The following RAI14 variants were observed in gnomAD, a reference collection of about 807,000 sequenced individuals.
The protein encoded by RAI14 is retinoic acid induced 14.
A neutral mutation model predicts 115.4 loss-of-function variants in RAI14; 45 were observed. The observed-to-expected ratio is 0.39, with a 90% CI of 0.31 to 0.50. RAI14 has a LOEUF of 0.50. Ranked by LOEUF, RAI14 falls within the 20% of genes least tolerant of loss-of-function variation. RAI14 has a pLI of 0.85. For synonymous variants in RAI14, 371 were observed against 415.4 expected, an observed-to-expected ratio of 0.89 and a Z score of 1.30; for missense variants, 939 against 1,131.2, an observed-to-expected ratio of 0.83 and a Z score of 2.44.
At chr5:34,658,295 A>T (rs879120033) in intron 1 of RAI14, among the ~76,000 whole-genome samples, 1 of 152,194 alleles carries the variant, frequency 6.6e-6, no homozygotes, top group Admixed American at 6.5e-5. Context: ...CCTGACAGTG[A>T]AATTCTCTCT....
At chr5:34,811,409 G>T (rs1235119393) in intron 8 of RAI14, among the ~76,000 whole-genome samples, 1 of 151,980 alleles carries the variant, frequency 6.6e-6, no homozygotes, top group Non-Finnish European at 1.5e-5. Flanking sequence ...CAAACCTATT[G>T]GTTGTTTTGG....
At chr5:34,661,373 A>G (rs1299366626) in intron 1 of RAI14, among the ~76,000 whole-genome samples, 2 of 152,086 alleles carry the variant, frequency 1.3e-5, no homozygotes, top group Non-Finnish European at 2.9e-5. Context: ...TGGTGTCTAG[A>G]ACAATGTTGA....
chr5:34,702,677 A>G (rs1740223164), intron 2 of RAI14, among the ~76,000 whole-genome samples: 1 of 152,138 alleles, frequency 6.6e-6, no homozygotes, highest in African/African-American at 2.4e-5. Context: ...ATAATTTTGG[A>G]CACACTTAAG....
chr5:34,706,096 T>C (rs188956454), intron 2 of RAI14, among the ~76,000 whole-genome samples: 1 of 152,358 alleles, frequency 6.6e-6, no homozygotes, highest in East Asian at 1.9e-4. Flanking sequence ...TTTCTGTGTT[T>C]TTTTTCTGTG....
intron 3 of RAI14, among the ~76,000 whole-genome samples, chr5:34,774,541 A>C (rs73078627): frequency 0.06 from 9,201 of 152,212 alleles, 352 homozygotes; most frequent in Middle Eastern, 0.16. Flanking sequence ...AAATACCTAG[A>C]AATAAAGTTA....
chr5:34,676,274 C>T (rs1180355776), intron 1 of RAI14, among the ~76,000 whole-genome samples: 1 of 152,176 alleles, frequency 6.6e-6, no homozygotes, highest in Non-Finnish European at 1.5e-5. Context: ...AGTTGCTGGG[C>T]ACTCTGTGAG....
At chr5:34,830,099 C>A (rs1757873786) in intron 17 of RAI14, among the ~76,000 whole-genome samples, 1 of 152,112 alleles carries the variant, frequency 6.6e-6, no homozygotes, top group Non-Finnish European at 1.5e-5. Context: ...ATCCTCCCAC[C>A]TTAGCCTCCC....
chr5:34,769,123 G>T (rs1749814634), intron 3 of RAI14, among the ~76,000 whole-genome samples: 1 of 152,102 alleles, frequency 6.6e-6, no homozygotes, highest in Admixed American at 6.6e-5. Flanking sequence ...GCACTTAAAG[G>T]ATAGTAATCC....
intron 3 of RAI14, among the ~76,000 whole-genome samples, chr5:34,763,574 A>G (rs61083416): frequency 0.078 from 11,812 of 152,260 alleles, 600 homozygotes; most frequent in Middle Eastern, 0.18. Flanking sequence ...AAAAGGAGAA[A>G]ATATGCTCCT....
At chr5:34,752,747 G>GTATATATA (rs1401812633) in intron 2 of RAI14, among the ~76,000 whole-genome samples, 15 of 109,562 alleles carry the variant, frequency 1.4e-4, no homozygotes, top group African/African-American at 5.7e-4. Flanking sequence ...GTGTGTGTGT[G>GTATATATA]TGTATATATA....
chr5:34,768,807 G>A (rs1317822584), intron 3 of RAI14, among the ~76,000 whole-genome samples: 1 of 152,088 alleles, frequency 6.6e-6, no homozygotes, highest in Non-Finnish European at 1.5e-5. Context: ...TGGCCAACAT[G>A]GTGAAATGCC....
At position 34,716,434 on chromosome 5, in the gene RAI14, CAG is replaced by C. The variant is rs1742006294; in HGVS notation, c.36+29482_36+29483del. Among the ~76,000 whole-genome samples the C allele has an allele frequency of 4.6e-5, 7 of 151,314 alleles. No homozygotes were observed. In the South Asian group the frequency reaches 1.3e-3, roughly 27 times the overall value. ...TAATTTTTTTTTTTTTTAATTGAGA[CAG>C]AGTCTCGCTTTTGTTGCCCAGGCTG... On this transcript the variant is annotated intron_variant, in intron 2 of 17. Transcript: ENST00000265109.
chr5:34,828,442 A>G (rs1354477175), intron 16 of RAI14, among the ~76,000 whole-genome samples: 4 of 152,150 alleles, frequency 2.6e-5, no homozygotes, highest in African/African-American at 9.7e-5. Context: ...AGATAAAATC[A>G]TAAATAATTG....
intron 4 of RAI14, among the ~76,000 whole-genome samples, chr5:34,799,832 C>G (rs1301858962): frequency 1.3e-5 from 2 of 151,886 alleles, no homozygotes; most frequent in Admixed American, 6.6e-5. Flanking sequence ...GGACTACAGG[C>G]GCCCGCCACC....
In RAI14 at chr5:34,808,666, G is replaced by C. The variant is rs763808445; in HGVS notation, c.450+12G>C. 1.9e-6 allele frequency: 3 copies of C among 1,612,246 alleles called. No individual in the cohort carries two copies. Among genetic ancestry groups the C allele is most frequent in the Admixed American group, 1.7e-5 (1 of 60,010 alleles). ...ACCTCAAAGATTTGGTAAGTACCAG[G>C]TGGTCACTAGAGGCAGAGGTAGACA... On this transcript the variant is annotated intron_variant, in intron 7 of 17. Coordinates refer to ENST00000265109, the MANE Select transcript of RAI14 (RefSeq NM_015577.3).
At chr5:34,795,288 C>T (rs1194675112) in intron 3 of RAI14, among the ~76,000 whole-genome samples, 1 of 152,166 alleles carries the variant, frequency 6.6e-6, no homozygotes, top group Non-Finnish European at 1.5e-5. Context: ...CTGTTTGCAC[C>T]AGAGTATAGA....
intron 2 of RAI14, among the ~76,000 whole-genome samples, chr5:34,722,936 A>G (rs1225446836): frequency 4.0e-5 from 6 of 151,508 alleles, no homozygotes; most frequent in Non-Finnish European, 5.9e-5. Context: ...AAATAAATTA[A>G]AAAAAATACA....
Position 34,807,828 on chromosome 5 carries a change from G to A in RAI14, c.350G>A (p.Ser117Asn). 6.2e-7 allele frequency: 1 copy of A among 1,611,444 alleles called. No homozygotes were observed. The highest frequency in any genetic ancestry group is 8.5e-7 in the Non-Finnish European group (1 of 1,177,540). Reference sequence around the variant, plus strand: ...AAATGCCCAGCCGAAAGTGTCGACAGCTCTGGGAAAACAGCTTTACATTAT... The same window carrying A: ...AAATGCCCAGCCGAAAGTGTCGACAACTCTGGGAAAACAGCTTTACATTAT... ...QSKCPAESVDSSGKTALHYAA... is the reference protein window; with the variant it reads ...QSKCPAESVDNSGKTALHYAA... The change falls in exon 6 of 18, where the codon AGC (serine) becomes AAC (asparagine). Residue 117 changes from serine to asparagine, a missense_variant. Ser to Asn is a conservative substitution (Grantham distance 46). Coordinates refer to ENST00000265109, the MANE Select transcript of RAI14 (RefSeq NM_015577.3).
chr5:34,662,509 A>T (rs1742769232), intron 1 of RAI14, among the ~76,000 whole-genome samples: 1 of 152,058 alleles, frequency 6.6e-6, no homozygotes, highest in Admixed American at 6.6e-5. Flanking sequence ...TTTCCCAGTG[A>T]ACTATATTAG....
Sources: gnomAD v4.1 joint callset for allele counts (sites outside exome capture counted in the v4.1 genomes callset) on GRCh38, gnomAD v4.1.1 for gene constraint, MANE v1.5 for transcripts, NCBI Gene and HGNC (gene_info 2026-07-23, HGNC 2026-07-21) for gene names.